NFATC2: variants seen among roughly 807,000 people sequenced by gnomAD.
NFATC2 encodes the protein nuclear factor of activated T cells 2.
In NFATC2, 22 loss-of-function variants were observed where a neutral mutation model predicts 87.3. The ratio of observed to expected loss-of-function variants is 0.25; its 90% CI spans 0.18 to 0.36. The LOEUF (loss-of-function observed/expected upper bound fraction) is 0.36. Ranked by LOEUF, NFATC2 falls within the 10% of genes least tolerant of loss-of-function variation. The pLI is 1.00. For missense variants in NFATC2, 1,149 were observed against 1,259.1 expected, an observed-to-expected ratio of 0.91 and a Z score of 1.32; for synonymous variants, 565 against 542.2, an observed-to-expected ratio of 1.04 and a Z score of -0.58.
At chr20:51,460,101 G>C (rs1986987019) in intron 5 of NFATC2, among the ~76,000 whole-genome samples, 2 of 152,130 alleles carry the variant, frequency 1.3e-5, no homozygotes, top group African/African-American at 4.8e-5. Flanking sequence ...AGACATGATG[G>C]TCTTTGCTAT....
chr20:51,443,597 C>T (rs1984656785), intron 6 of NFATC2, among the ~76,000 whole-genome samples: 1 of 152,174 alleles, frequency 6.6e-6, no homozygotes, highest in South Asian at 2.1e-4. Flanking sequence ...GCCCAGACAG[C>T]ATTCCCAGTG....
Position 51,523,506 on chromosome 20 carries a change from G to A in NFATC2, c.735C>T (p.Ser245=). The A allele has an allele frequency of 1.2e-6, 2 of 1,613,000 alleles. No homozygotes were observed. The highest frequency in any genetic ancestry group is 1.1e-5 in the South Asian group (1 of 91,034). The change falls in exon 2 of 11, where the codon TCC becomes TCT. Residue 245 remains serine, a synonymous_variant. Coordinates refer to ENST00000371564, the MANE Select transcript of NFATC2 (RefSeq NM_012340.5). The surrounding 1 kb of genome is among the most constrained non-coding windows in gnomAD (Gnocchi z 6.9). ...HSPVPRPASR[S]SSPGAKRRHS... ...GCCTCCGCTTGGCACCAGGCGATGA[G>A]GAGCGGGAGGCCGGACGGGGCACGG...
At chr20:51,492,758 G>A (rs2075916802) in intron 3 of NFATC2, among the ~76,000 whole-genome samples, 1 of 152,214 alleles carries the variant, frequency 6.6e-6, no homozygotes. Flanking sequence ...CGCCACACAA[G>A]GGAGGAAGCT....
At chr20:51,417,509 T>TC (rs1980205941) in intron 9 of NFATC2, among the ~76,000 whole-genome samples, 1 of 151,990 alleles carries the variant, frequency 6.6e-6, no homozygotes, top group South Asian at 2.1e-4. Context: ...CTCACTCTCT[T>TC]CCTCCCGGTC....
intron 3 of NFATC2, among the ~76,000 whole-genome samples, chr20:51,489,877 G>A (rs542919164): frequency 6.6e-6 from 1 of 152,352 alleles, no homozygotes; most frequent in South Asian, 2.1e-4. Context: ...GAGGAGAGGT[G>A]AAGTGGGGAA....
At chr20:51,541,898 G>GGTTAGGGTT (rs2076823176) in intron 1 of NFATC2, among the ~76,000 whole-genome samples, 1 of 152,162 alleles carries the variant, frequency 6.6e-6, no homozygotes, top group Non-Finnish European at 1.5e-5. Flanking sequence ...GAGGGAAGGA[G>GGTTAGGGTT]CGGCCTCCTA....
At chr20:51,545,499 G>C (rs117664577), upstream of NFATC2, among the ~76,000 whole-genome samples, 4 of 152,370 alleles carry the variant, frequency 2.6e-5, no homozygotes, top group East Asian at 5.8e-4. Context: ...CTCATTCGCA[G>C]CTTTATGTGC....
chr20:51,398,511 AAGAGCAGGAGAATGAG>A, intron 10 of NFATC2, 116 bp downstream of exon 10: 3 of 598,880 alleles, frequency 5.0e-6, no homozygotes, highest in South Asian at 4.2e-5. Context: ...TCTAGCCCTT[AAGAGCAGGAGAATGAG>A]AAGAGAGGGC....
At chr20:51,434,287 T>C (rs1036758937) in intron 8 of NFATC2, among the ~76,000 whole-genome samples, 1 of 152,106 alleles carries the variant, frequency 6.6e-6, no homozygotes, top group Non-Finnish European at 1.5e-5. Context: ...AGTATAATGC[T>C]TCTAGAAGCC....
At chr20:51,436,087 G>C (rs900845174) in intron 6 of NFATC2, among the ~76,000 whole-genome samples, 2 of 152,108 alleles carry the variant, frequency 1.3e-5, no homozygotes, top group African/African-American at 2.4e-5. Flanking sequence ...GGGAACAGCA[G>C]ATACTGAGGA....
intron 5 of NFATC2, among the ~76,000 whole-genome samples, chr20:51,455,327 T>G (rs1986284748): frequency 2.0e-5 from 3 of 152,118 alleles, no homozygotes; most frequent in East Asian, 3.9e-4. Context: ...CTCCTACCTT[T>G]GAGCATCTGC....
intron 3 of NFATC2, among the ~76,000 whole-genome samples, chr20:51,490,011 T>C (rs1301123433): frequency 6.6e-6 from 1 of 152,192 alleles, no homozygotes; most frequent in Non-Finnish European, 1.5e-5. Context: ...CTGGCAGCTT[T>C]CTAAACATTT....
At chr20:51,447,085 A>C (rs1281188863) in intron 6 of NFATC2, among the ~76,000 whole-genome samples, 1 of 31,242 alleles carries the variant, frequency 3.2e-5, no homozygotes, top group Admixed American at 2.7e-4. Context: ...TACTTAATTT[A>C]GAAAAAAAAA....
chr20:51,536,806 T>A (rs983957215), intron 1 of NFATC2, among the ~76,000 whole-genome samples: 35 of 152,294 alleles, frequency 2.3e-4, no homozygotes, highest in African/African-American at 8.4e-4. Flanking sequence ...AGGCCTGTCT[T>A]TAACTCAACA....
In NFATC2 at chr20:51,562,609, G is replaced by A; in HGVS notation, c.21C>T (p.Phe7=). ...GGAGGGGATGGCAGTGCCCCAGTCT[G>A]AACGCAGCCTCTCTCTGCATCTGGA... Residue 7 remains phenylalanine (F), a synonymous_variant, in exon 1 of 11, where the codon TTC becomes TTT. Coordinates refer to the NFATC2 transcript ENST00000414705. This position sits in a 1 kb window ranked among gnomAD's most constrained non-coding sequence, Gnocchi z 5.8. The A allele has an allele frequency of 1.3e-6, 2 of 1,551,284 alleles. No homozygotes were observed. The highest frequency in any genetic ancestry group is 1.7e-6 in the Non-Finnish European group (2 of 1,146,678).
At chr20:51,469,105 C>G (rs1385519458) in intron 5 of NFATC2, among the ~76,000 whole-genome samples, 1 of 152,070 alleles carries the variant, frequency 6.6e-6, no homozygotes, top group Non-Finnish European at 1.5e-5. Context: ...TCACTGCAGC[C>G]TCAACCTCCT....
intron 1 of NFATC2, among the ~76,000 whole-genome samples, chr20:51,530,906 T>C (rs957256739): frequency 5.9e-5 from 9 of 152,216 alleles, no homozygotes; most frequent in African/African-American, 2.2e-4. Context: ...CTCGTCTGTC[T>C]ACCCTCTAGA....
At chr20:51,451,210 T>G (rs1985730255) in intron 6 of NFATC2, among the ~76,000 whole-genome samples, 1 of 152,212 alleles carries the variant, frequency 6.6e-6, no homozygotes. Flanking sequence ...GGGGGAGCTG[T>G]GCAGGCATTC....
intron 10 of NFATC2, among the ~76,000 whole-genome samples, chr20:51,398,103 T>C (rs1162450355): frequency 6.6e-6 from 1 of 151,932 alleles, no homozygotes; most frequent in Non-Finnish European, 1.5e-5. Flanking sequence ...AGAAACCAAG[T>C]AGCAGAATCC....
Sources: gnomAD v4.1 joint callset for allele counts (sites outside exome capture counted in the v4.1 genomes callset) on GRCh38, gnomAD v4.1.1 for gene constraint, Gnocchi (gnomAD v3.1) non-coding constraint, MANE v1.5 for transcripts, NCBI Gene and HGNC (gene_info 2026-07-23, HGNC 2026-07-21) for gene names.